The following GALNTL5 variants were observed in gnomAD, a reference collection of about 807,000 sequenced individuals.
GALNTL5 encodes inactive polypeptide N-acetylgalactosaminyltransferase-like protein 5.
GALNTL5 carries 44 observed loss-of-function variants against 51.0 expected under a neutral mutation model. That is an observed-to-expected ratio of 0.86 (90% confidence interval 0.68 to 1.11). The LOEUF (loss-of-function observed/expected upper bound fraction) is 1.11. Among genes scored for constraint, GALNTL5 ranks in the 50% least tolerant of loss-of-function variants. The pLI is 0.00. For synonymous variants in GALNTL5, 192 were observed against 182.8 expected (o/e 1.05, Z -0.41); for missense variants, 528 against 531.8 (o/e 0.99, Z 0.07).
chr7:152,000,344 A>G (rs1279909817), intron 5 of GALNTL5, among the ~76,000 whole-genome samples: 3 of 152,232 alleles, frequency 2.0e-5, no homozygotes, highest in African/African-American at 7.2e-5. Flanking sequence ...AGATTGAGTC[A>G]CCAGAATAGA....
chr7:152,014,469 C>T (rs113054109), intron 7 of GALNTL5, among the ~76,000 whole-genome samples, 175 bp from the exon 8 acceptor site: 4 of 152,044 alleles, frequency 2.6e-5, no homozygotes, highest in Admixed American at 1.3e-4. Flanking sequence ...GGTTTCACCA[C>T]GTTGGCCAGG....
intron 3 of GALNTL5, among the ~76,000 whole-genome samples, chr7:151,974,764 A>G (rs1377401863): frequency 6.6e-6 from 1 of 152,178 alleles, no homozygotes; most frequent in East Asian, 1.9e-4. Context: ...TTCTCCCTAA[A>G]TCTCACCTTC....
At chr7:152,012,118 G>T (rs968806769) in intron 7 of GALNTL5, among the ~76,000 whole-genome samples, 1 of 152,148 alleles carries the variant, frequency 6.6e-6, no homozygotes, top group East Asian at 1.9e-4. Flanking sequence ...AAACCACACA[G>T]CACATTTATA....
At chr7:151,982,117 A>C (rs1437153528) in intron 3 of GALNTL5, among the ~76,000 whole-genome samples, 2 of 152,198 alleles carry the variant, frequency 1.3e-5, no homozygotes, top group African/African-American at 4.8e-5. Context: ...ACACAAAAAA[A>C]TAAAGTATTC....
intron 1 of GALNTL5, among the ~76,000 whole-genome samples, chr7:151,966,363 G>A (rs1388778155): frequency 6.6e-6 from 1 of 151,900 alleles, no homozygotes; most frequent in Non-Finnish European, 1.5e-5. Flanking sequence ...CGCTTCCCAG[G>A]TTTAAGCGAT....
intron 1 of GALNTL5, among the ~76,000 whole-genome samples, chr7:151,962,342 T>A (rs182272837): frequency 0.012 from 1,832 of 152,100 alleles, 40 homozygotes; most frequent in African/African-American, 0.041. Context: ...TTCTATTTTT[T>A]TAATTAATTT....
chr7:151,979,897 C>T (rs1299341257), intron 3 of GALNTL5, among the ~76,000 whole-genome samples: 2 of 152,182 alleles, frequency 1.3e-5, no homozygotes, highest in East Asian at 3.8e-4. Flanking sequence ...TGAAGGGACG[C>T]AGTTTATTTC....
At chr7:151,962,783 AT>A (rs1284429356) in intron 1 of GALNTL5, among the ~76,000 whole-genome samples, 1 of 151,668 alleles carries the variant, frequency 6.6e-6, no homozygotes, top group African/African-American at 2.4e-5. Flanking sequence ...TAATTTTTCT[AT>A]TTTTAGTAGA....
At chr7:151,991,906 C>T (rs913765885) in intron 5 of GALNTL5, among the ~76,000 whole-genome samples, 15 of 152,014 alleles carry the variant, frequency 9.9e-5, no homozygotes, top group Admixed American at 3.9e-4. Context: ...ATAAATGTCC[C>T]CACCCATGGA....
At chr7:151,972,270 T>C (rs1292457949) in intron 3 of GALNTL5, among the ~76,000 whole-genome samples, 1 of 152,192 alleles carries the variant, frequency 6.6e-6, no homozygotes. Context: ...TAAAGGTGAC[T>C]CTTGTTATGC....
At chr7:151,993,225 C>T (rs1442392956) in intron 5 of GALNTL5, among the ~76,000 whole-genome samples, 1 of 148,756 alleles carries the variant, frequency 6.7e-6, no homozygotes, top group Non-Finnish European at 1.5e-5. Context: ...CAGAGTGAGA[C>T]CATGTCTCAA....
chr7:152,016,593 G>A (rs965756779), intron 8 of GALNTL5, among the ~76,000 whole-genome samples: 3 of 152,262 alleles, frequency 2.0e-5, no homozygotes, highest in South Asian at 2.1e-4. Flanking sequence ...CTACAGAAGC[G>A]CATGCTTTTG....
chr7:151,983,027 G>T lies in GALNTL5; in HGVS notation c.410G>T (p.Ser137Ile). 2 of 1,614,170 alleles carry T rather than the reference G, an allele frequency of 1.2e-6. No homozygotes were observed. Among genetic ancestry groups the T allele is most frequent in the Non-Finnish European group, 1.7e-6 (2 of 1,180,020 alleles). ...KHYPARLPTA[S>I]IVICFYNEEC... ...TACCCAGCCCGCCTCCCGACTGCCA[G>T]CATTGTCATTTGCTTCTATAATGAA... The change falls in exon 4 of 9, where the codon AGC becomes ATC. Residue 137 changes from serine (S) to isoleucine (I), a missense_variant. Transcript: ENST00000392800.
At chr7:151,969,892 C>T (rs1032087121) in intron 2 of GALNTL5, among the ~76,000 whole-genome samples, 2 of 152,108 alleles carry the variant, frequency 1.3e-5, no homozygotes, top group African/African-American at 2.4e-5. Flanking sequence ...CTGCAAGCTC[C>T]GCCTCCGGGG....
intron 5 of GALNTL5, among the ~76,000 whole-genome samples, chr7:152,002,281 G>GAA (rs112236513): frequency 2.8e-5 from 4 of 141,436 alleles, no homozygotes; most frequent in African/African-American, 5.1e-5. Context: ...CTCCATCTCA[G>GAA]AAAAAAAAAA....
intron 8 of GALNTL5, among the ~76,000 whole-genome samples, chr7:152,015,040 G>A (rs957522430): frequency 6.6e-6 from 1 of 152,162 alleles, no homozygotes; most frequent in African/African-American, 2.4e-5. Context: ...GACTGTGGGA[G>A]GAGGGTGAGG....
intron 5 of GALNTL5, among the ~76,000 whole-genome samples, chr7:152,001,382 T>C (rs2081579088): frequency 6.6e-6 from 1 of 152,060 alleles, no homozygotes; most frequent in Admixed American, 6.6e-5. Context: ...TCCTTCTGAG[T>C]TTTATAATTT....
intron 2 of GALNTL5, among the ~76,000 whole-genome samples, chr7:151,968,591 G>A (rs76086244): frequency 5.3e-5 from 8 of 152,192 alleles, no homozygotes; most frequent in Non-Finnish European, 1.0e-4. Context: ...CCACTCGGAT[G>A]GTGAGAGAAA....
At chr7:151,971,850 T>G (rs561501424) in intron 3 of GALNTL5, among the ~76,000 whole-genome samples, 6 of 152,198 alleles carry the variant, frequency 3.9e-5, no homozygotes, top group African/African-American at 1.4e-4. Context: ...TCTGCCACCA[T>G]GTAAGACATG....
Sources: allele counts gnomAD v4.1 joint callset (sites outside exome capture counted in the v4.1 genomes callset), GRCh38; gene constraint gnomAD v4.1.1; transcripts MANE v1.5; gene names NCBI Gene and HGNC (gene_info 2026-07-23, HGNC 2026-07-21).